Variants in WDPCP observed in about 807,000 individuals in gnomAD.
WDPCP encodes the protein WD repeat containing planar cell polarity effector, also known as WD repeat-containing and planar cell polarity effector protein fritz homolog.
Under a neutral mutation model 93.1 loss-of-function variants are expected in WDPCP, and 71 were observed. The observed-to-expected ratio is 0.76, with a 90% CI of 0.63 to 0.93. WDPCP has a LOEUF of 0.93. Ranked by LOEUF, WDPCP falls within the 40% of genes least tolerant of loss-of-function variation. The pLI, the probability that WDPCP is intolerant of heterozygous loss-of-function variation, is 0.00. For missense variants in WDPCP, 844 were observed against 887.4 expected, an observed-to-expected ratio of 0.95 and a Z score of 0.62; for synonymous variants, 315 against 315.0, an observed-to-expected ratio of 1.00 and a Z score of 0.00.
chr2:63,754,890 GCTGAATGGTT>G (rs768476569), intron 2 of WDPCP, among the ~76,000 whole-genome samples: 25 of 152,276 alleles, frequency 1.6e-4, no homozygotes, highest in Non-Finnish European at 3.1e-4. Context: ...CAATTTCTTA[GCTGAATGGTT>G]CTGGCTCAAG....
chr2:63,230,923 A>G (rs1678814072), intron 14 of WDPCP, among the ~76,000 whole-genome samples: 1 of 152,098 alleles, frequency 6.6e-6, no homozygotes. Context: ...ACTGTGCAGA[A>G]GCTCCTTAAT....
chr2:63,611,334 T>A (rs1709612264), intron 3 of WDPCP, among the ~76,000 whole-genome samples: 1 of 151,890 alleles, frequency 6.6e-6, no homozygotes, highest in African/African-American at 2.4e-5. Context: ...ACACAGCAGA[T>A]TTTTTTTAAT....
chr2:63,238,610 T>C (rs1679605151), intron 14 of WDPCP, among the ~76,000 whole-genome samples: 1 of 152,180 alleles, frequency 6.6e-6, no homozygotes, highest in South Asian at 2.1e-4. Context: ...GCTTGCATTA[T>C]ATTTCTATTG....
chr2:63,379,085 G>A (rs1045930400), intron 11 of WDPCP, among the ~76,000 whole-genome samples: 3 of 152,164 alleles, frequency 2.0e-5, no homozygotes, highest in Middle Eastern at 3.4e-3. Flanking sequence ...TAAGACCTCT[G>A]GGAGAGGAAA....
chr2:63,588,305 GCTA>G lies in WDPCP; in HGVS notation c.-37_-35del. 3 of 1,559,816 alleles carry G rather than the reference GCTA, an allele frequency of 1.9e-6. No homozygotes were observed. The highest frequency in any genetic ancestry group is 2.6e-6 in the Non-Finnish European group (3 of 1,150,142). ...ACTACCCCGGGCAGAAGGTTCCTAG[GCTA>G]GGTCCTCGGACCCGAGAGGGAGCGA... On this transcript the variant is annotated 5_prime_UTR_variant, in exon 1 of 18. Transcript: ENST00000272321.
intron 6 of WDPCP, chr2:63,442,626 A>G (rs188204033): frequency 1.9e-4 from 29 of 152,322 alleles, no homozygotes; most frequent in African/African-American, 6.0e-4. Context: ...GTGAGTTACA[A>G]TTAGTAAAAA....
intron 13 of WDPCP, among the ~76,000 whole-genome samples, chr2:63,262,666 C>T (rs1261619736): frequency 6.6e-6 from 1 of 151,906 alleles, no homozygotes; most frequent in Non-Finnish European, 1.5e-5. Context: ...CTGTGGTCAA[C>T]AAATGATTTC....
intron 6 of WDPCP, among the ~76,000 whole-genome samples, chr2:63,454,766 A>C (rs1698510461): frequency 1.3e-5 from 2 of 152,178 alleles, no homozygotes; most frequent in African/African-American, 4.8e-5. Flanking sequence ...CATTATAAGC[A>C]AACTGTCTAA....
intron 13 of WDPCP, among the ~76,000 whole-genome samples, chr2:63,299,903 G>C (rs935495231): frequency 6.6e-6 from 1 of 152,170 alleles, no homozygotes. Context: ...GATGAATGCC[G>C]GCAGGAACTA....
At chr2:63,559,296 G>A (rs1021179745) in intron 1 of WDPCP, among the ~76,000 whole-genome samples, 11 of 152,056 alleles carry the variant, frequency 7.2e-5, no homozygotes, top group African/African-American at 2.7e-4. Flanking sequence ...AGCGATTTAT[G>A]ACAACCCACA....
At chr2:63,839,052 T>C in the WDPCP span, among the ~76,000 whole-genome samples, 1 of 152,224 alleles carries the variant, frequency 6.6e-6, no homozygotes, top group Non-Finnish European at 1.5e-5. Context: ...CCCCTGAAGA[T>C]GGGTAGTTAG....
At chr2:63,435,454 G>C (rs1031016757) in intron 8 of WDPCP, among the ~76,000 whole-genome samples, 52 of 152,134 alleles carry the variant, frequency 3.4e-4, no homozygotes, top group African/African-American at 1.2e-3. Flanking sequence ...TCTTATTTGA[G>C]AGAAATACCA....
chr2:63,246,789 G>A (rs1680312201), intron 14 of WDPCP, among the ~76,000 whole-genome samples: 1 of 152,212 alleles, frequency 6.6e-6, no homozygotes, highest in Non-Finnish European at 1.5e-5. Flanking sequence ...TACCTTCAGA[G>A]TCCATCAGTA....
intron 3 of WDPCP, chr2:63,594,203 C>T (rs1709258033): frequency 3.7e-6 from 2 of 536,332 alleles, no homozygotes; most frequent in Middle Eastern, 3.1e-4. Flanking sequence ...ATACTGAACA[C>T]ATCAACATTG....
At chr2:63,421,022 C>T (rs1267718671) in intron 9 of WDPCP, among the ~76,000 whole-genome samples, 2 of 152,218 alleles carry the variant, frequency 1.3e-5, no homozygotes, top group East Asian at 3.9e-4. Flanking sequence ...TGCTAAACTG[C>T]TCTCCATTAA....
At chr2:63,698,197 C>T (rs1329192663) in intron 2 of WDPCP, among the ~76,000 whole-genome samples, 1 of 152,098 alleles carries the variant, frequency 6.6e-6, no homozygotes, top group Non-Finnish European at 1.5e-5. Context: ...CTCAGGTGAT[C>T]TGCCACCTTG....
chr2:63,218,964 C>T (rs1444145632), intron 14 of WDPCP, among the ~76,000 whole-genome samples: 1 of 152,148 alleles, frequency 6.6e-6, no homozygotes, highest in Non-Finnish European at 1.5e-5. Context: ...AAACCTGACA[C>T]AAAACAATAG....
rs376758858 is a variant in WDPCP at position 63,484,933 on chromosome 2, G to A, written c.308C>T (p.Ser103Leu). The change falls in exon 5 of 18, where the codon TCG becomes TTG. Residue 103 changes from serine to leucine, a missense_variant. Coordinates refer to ENST00000272321, the MANE Select transcript of WDPCP (RefSeq NM_015910.7). ...GAAAGATACCTCCAACTCTTTGAGCGAGTCTCGGAGTTTTTCTGGGCGTCT... is the reference window on the plus strand; with the variant it reads ...GAAAGATACCTCCAACTCTTTGAGCAAGTCTCGGAGTTTTTCTGGGCGTCT... ...KNRRPEKLRD[S>L]LKELEELMQN... 2.8e-5 allele frequency: 45 copies of A among 1,612,414 alleles called. No individual in the cohort carries two copies. The highest frequency in any genetic ancestry group is 3.5e-5 in the Non-Finnish European group (41 of 1,179,028).
At chr2:63,620,266 T>C (rs1709721660) in intron 3 of WDPCP, among the ~76,000 whole-genome samples, 1 of 152,176 alleles carries the variant, frequency 6.6e-6, no homozygotes, top group Admixed American at 6.5e-5. Flanking sequence ...AAGCTAAGAC[T>C]CATTGGCTTG....
Sources: allele counts gnomAD v4.1 joint callset (sites outside exome capture counted in the v4.1 genomes callset), GRCh38; gene constraint gnomAD v4.1.1; transcripts MANE v1.5; gene names NCBI Gene and HGNC (gene_info 2026-07-23, HGNC 2026-07-21).